CUBN: variants seen among roughly 807,000 people sequenced by gnomAD.
CUBN encodes the protein cubilin, also known as 460 kDa receptor.
CUBN carries 282 observed loss-of-function variants against 405.3 expected under a neutral mutation model. The observed-to-expected ratio is 0.70, with a 90% CI of 0.63 to 0.77. The LOEUF is 0.77. CUBN is among the 30% of genes least tolerant of loss of function. The pLI, the probability that CUBN is intolerant of heterozygous loss-of-function variation, is 0.00. For synonymous variants in CUBN, 1,684 were observed against 1,617.0 expected (o/e 1.04, Z -0.99); for missense variants, 4,514 against 4,475.2 (o/e 1.01, Z -0.25).
intron 59 of CUBN, among the ~76,000 whole-genome samples, chr10:16,862,565 T>C (rs1186454608): frequency 6.6e-6 from 1 of 152,202 alleles, no homozygotes; most frequent in Admixed American, 6.5e-5. Context: ...TAACAGACTT[T>C]TCACATATTA....
intron 28 of CUBN, among the ~76,000 whole-genome samples, chr10:17,007,511 T>C (rs1261179060): frequency 6.6e-6 from 1 of 152,040 alleles, no homozygotes; most frequent in African/African-American, 2.4e-5. Flanking sequence ...ATGAATGAAG[T>C]GTGTAGGAAC....
chr10:16,853,714 C>T (rs1839786392), intron 59 of CUBN, among the ~76,000 whole-genome samples: 1 of 152,122 alleles, frequency 6.6e-6, no homozygotes, highest in African/African-American at 2.4e-5. Flanking sequence ...AGTGCTTCAC[C>T]ACATGTTGCT....
intron 60 of CUBN, among the ~76,000 whole-genome samples, chr10:16,849,523 C>CTT (rs1839619274): frequency 6.6e-6 from 1 of 152,194 alleles, no homozygotes. Context: ...CTCACCAAAC[C>CTT]ACACTGTTAT....
intron 31 of CUBN, among the ~76,000 whole-genome samples, chr10:16,970,843 T>G (rs1400377384): frequency 6.6e-6 from 1 of 152,112 alleles, no homozygotes; most frequent in East Asian, 1.9e-4. Context: ...CTGCCCCACC[T>G]CCACCTCAAT....
chr10:16,894,215 G>T (rs909037759), intron 54 of CUBN, among the ~76,000 whole-genome samples: 1 of 151,920 alleles, frequency 6.6e-6, no homozygotes, highest in Admixed American at 6.6e-5. Context: ...ATTTAAATGG[G>T]GTAAAATTTA....
At position 17,022,142 on chromosome 10, in the gene CUBN, G is replaced by A. The variant is rs536438849; in HGVS notation, c.4018-2159C>T. Among the ~76,000 whole-genome samples, 5 of 152,282 alleles carry A rather than the reference G, an allele frequency of 3.3e-5. No homozygotes were observed. The South Asian group carries it at 6.2e-4, about 19-fold the overall frequency. On this transcript the variant is annotated intron_variant, in intron 27 of 66. Transcript: ENST00000377833. ...GGATTTGGACCCTTTGTGCCACTCC[G>A]TAGAAGGGAGAACCAGGTGAGGGCC...
chr10:16,848,605 T>A (rs1249928200), intron 60 of CUBN, among the ~76,000 whole-genome samples: 1 of 150,946 alleles, frequency 6.6e-6, no homozygotes, highest in Non-Finnish European at 1.5e-5. Context: ...CTAAACCTTA[T>A]TACCTTTCTG....
At chr10:16,958,681 CTAT>C (rs1242841546) in intron 31 of CUBN, among the ~76,000 whole-genome samples, 3 of 152,166 alleles carry the variant, frequency 2.0e-5, no homozygotes, top group Non-Finnish European at 4.4e-5. Flanking sequence ...AAGTGCTAAG[CTAT>C]TAAACTACTG....
rs187927594 is a variant in CUBN at position 16,899,280 on chromosome 10, T to C, written c.8411-97A>G. On this transcript the variant is annotated intron_variant, in intron 53 of 66. Transcript: ENST00000377833. ...AAGGAACATTTCCAAATGTGAGATTTCAATTCATCATTTTTTACAAGTGAT... is the reference window on the plus strand; with the variant it reads ...AAGGAACATTTCCAAATGTGAGATTCCAATTCATCATTTTTTACAAGTGAT... 26 of 910,396 alleles carry C rather than the reference T, an allele frequency of 2.9e-5. No homozygotes were observed. The African/African-American group carries it at 3.9e-4, about 14-fold the overall frequency. 56.4% of individuals were successfully genotyped at this position (910,396 alleles called of 1,614,324 possible).
At chr10:16,850,389 C>A (rs1411569061) in intron 60 of CUBN, among the ~76,000 whole-genome samples, 2 of 152,110 alleles carry the variant, frequency 1.3e-5, no homozygotes, top group African/African-American at 2.4e-5. Flanking sequence ...TAATCTGAAC[C>A]TATATAACCT....
At chr10:16,991,014 G>A (rs747699768) in intron 28 of CUBN, among the ~76,000 whole-genome samples, 2 of 152,178 alleles carry the variant, frequency 1.3e-5, no homozygotes, top group Non-Finnish European at 1.5e-5. Flanking sequence ...ACCAAAGACT[G>A]TAAGAAATAA....
At chr10:16,872,884 G>A (rs1057427737) in intron 58 of CUBN, among the ~76,000 whole-genome samples, 10 of 152,180 alleles carry the variant, frequency 6.6e-5, no homozygotes, top group African/African-American at 2.4e-4. Flanking sequence ...AAGACACTCT[G>A]TTTTCCTACA....
Position 16,920,262 on chromosome 10 carries a change from C to A in CUBN, c.6647-125G>T, listed in dbSNP as rs969702472. The stretch of plus-strand genomic sequence containing the variant: ...TCCATTTCCTTTCATCTGTTATGAT[C>A]CTCATTTTCTTTTCCAGCAAACAAA... On this transcript the variant is annotated intron_variant, in intron 43 of 66. Coordinates refer to ENST00000377833, the MANE Select transcript of CUBN (RefSeq NM_001081.4). The A allele has an allele frequency of 1.8e-5, 18 of 1,008,306 alleles. No individual in the cohort carries two copies. The African/African-American group carries it at 2.2e-4, about 13-fold the overall frequency. 62.5% of individuals were successfully genotyped at this position (1,008,306 alleles called of 1,614,324 possible). A position where few individuals can be genotyped will look rare whatever the true frequency, so the allele number is the denominator to read the frequency against.
chr10:16,976,467 T>C (rs1833098964), intron 31 of CUBN, among the ~76,000 whole-genome samples: 1 of 151,664 alleles, frequency 6.6e-6, no homozygotes, highest in Admixed American at 6.6e-5. Flanking sequence ...CTCCTCTAGC[T>C]GACTGTAACA....
At chr10:16,900,245 A>G (rs1401095639) in intron 53 of CUBN, among the ~76,000 whole-genome samples, 1 of 152,220 alleles carries the variant, frequency 6.6e-6, no homozygotes, top group East Asian at 1.9e-4. Context: ...GATATTTTCA[A>G]GCACTTGGGA....
rs1017752966 is a variant in CUBN, at chr10:16,925,886, A to T, written c.6272-112T>A. 5.6e-6 allele frequency: 5 copies of T among 892,990 alleles called. No homozygotes were observed. In the Admixed American group the frequency reaches 9.8e-5, roughly 18 times the overall value. The allele number at this position is 892,990 out of a possible 1,614,324, so 55.3% of individuals were successfully genotyped here. ...AAAGTGGAGGCAATAAAAATGCTTG[A>T]AAATAAAGCCAGAGTGCAGGAAATG... On this transcript the variant is annotated intron_variant, in intron 41 of 66. Coordinates refer to ENST00000377833, the MANE Select transcript of CUBN (RefSeq NM_001081.4).
Position 17,068,224 on chromosome 10 carries a change from T to G in CUBN, c.2848A>C (p.Asn950His). The G allele has an allele frequency of 6.2e-7, 1 of 1,613,734 alleles. No individual in the cohort carries two copies. The highest frequency in any genetic ancestry group is 8.5e-7 in the Non-Finnish European group (1 of 1,179,700). ...CAGTTGATACCGTGGGGGTAGACAT[T>G]TGGATGGCCAGGACTTTGAATGGTC... Reference protein sequence around the residue: ...TGTIQSPGHPNVYPHGINCTW... With the variant: ...TGTIQSPGHPHVYPHGINCTW... Residue 950 changes from asparagine (N) to histidine (H), a missense_variant, in exon 21 of 67, where the codon AAT (asparagine) becomes CAT (histidine). Around this residue, in one of 5 missense-constraint regions of CUBN, gnomAD observed 1,448 missense variants for 1,388.0 expected, o/e 1.04. Transcript: ENST00000377833.
intron 28 of CUBN, among the ~76,000 whole-genome samples, chr10:16,998,344 A>G (rs1464215637): frequency 6.6e-6 from 1 of 152,214 alleles, no homozygotes; most frequent in Admixed American, 6.5e-5. Context: ...AAGAAGGAAG[A>G]AGGTCATGTG....
intron 27 of CUBN, among the ~76,000 whole-genome samples, chr10:17,029,460 G>T (rs116377742): frequency 6.6e-6 from 1 of 152,164 alleles, no homozygotes. Context: ...ATCTGGCTTC[G>T]CTAACTAATG....
Sources: gnomAD v4.1 joint callset for allele counts (sites outside exome capture counted in the v4.1 genomes callset) on GRCh38, gnomAD v4.1.1 for gene constraint, gnomAD v4.1.1 regional missense constraint, MANE v1.5 for transcripts, NCBI Gene and HGNC (gene_info 2026-07-23, HGNC 2026-07-21) for gene names.